Variants in ZNF519 observed in about 807,000 individuals in gnomAD.
ZNF519 encodes similar to Zinc finger protein 85 (Zinc finger protein HPF4) (HTF1).
In ZNF519, 7 loss-of-function variants were observed where a neutral mutation model predicts 7.4. The observed-to-expected ratio is 0.94, with a 90% CI of 0.54 to 1.77. The LOEUF (loss-of-function observed/expected upper bound fraction) is 1.77. Among genes scored for constraint, ZNF519 ranks in the 40% most tolerant of loss-of-function variants. The pLI is 0.00. For missense variants in ZNF519, 586 were observed against 623.1 expected, an observed-to-expected ratio of 0.94 and a Z score of 0.63; for synonymous variants, 179 against 203.3, an observed-to-expected ratio of 0.88 and a Z score of 1.02.
intron 2 of ZNF519, among the ~76,000 whole-genome samples, chr18:14,087,976 G>A (rs1049369350): frequency 6.6e-6 from 1 of 152,074 alleles, no homozygotes; most frequent in African/African-American, 2.4e-5. Flanking sequence ...ACAAGGAATG[G>A]AACTATGTAG....
Position 14,130,978 on chromosome 18 carries a change from C to T in ZNF519, c.3+1297G>A, listed in dbSNP as rs2046326856. ...GCTGCACTCCCATCCCTCAGTGTGTCCTCTGGAAGATTACCAAAGGGCTGC... is the reference window on the plus strand; with the variant it reads ...GCTGCACTCCCATCCCTCAGTGTGTTCTCTGGAAGATTACCAAAGGGCTGC... On this transcript the variant is annotated intron_variant, in intron 1 of 2. Transcript: ENST00000590202. 2.6e-5 allele frequency among the ~76,000 whole-genome samples: 4 copies of T among 152,140 alleles called. 1 individual carries two copies. The South Asian group carries it at 8.3e-4, about 32-fold the overall frequency.
intron 1 of ZNF519, among the ~76,000 whole-genome samples, chr18:14,125,017 A>G (rs1157993150): frequency 1.3e-5 from 2 of 152,166 alleles, no homozygotes; most frequent in African/African-American, 4.8e-5. Context: ...TCACTGTTAC[A>G]AAATTTTGCA....
chr18:14,073,645 C>A (rs1598504494), downstream of ZNF519: 1 of 152,274 alleles, frequency 6.6e-6, no homozygotes, highest in East Asian at 1.9e-4. Context: ...AAAATATAAA[C>A]CATACAGTTA....
chr18:14,112,679 C>A (rs2046227232), intron 2 of ZNF519, among the ~76,000 whole-genome samples: 1 of 151,806 alleles, frequency 6.6e-6, no homozygotes, highest in African/African-American at 2.4e-5. Flanking sequence ...ATCCCATTTA[C>A]GATAGCCACA....
chr18:14,088,300 CATAT>C (rs1225075141), intron 2 of ZNF519, among the ~76,000 whole-genome samples: 1 of 152,182 alleles, frequency 6.6e-6, no homozygotes, highest in African/African-American at 2.4e-5. Flanking sequence ...AGCTTCATCA[CATAT>C]AAAAAGCTGC....
chr18:14,092,302 C>T (rs114568929), intron 2 of ZNF519, among the ~76,000 whole-genome samples: 68 of 152,102 alleles, frequency 4.5e-4, no homozygotes, highest in African/African-American at 1.4e-3. Context: ...CATTGGAACA[C>T]GAAGAGATGG....
chr18:14,088,167 G>A (rs1023848330), intron 2 of ZNF519, among the ~76,000 whole-genome samples: 2 of 152,206 alleles, frequency 1.3e-5, no homozygotes, highest in African/African-American at 4.8e-5. Context: ...CAAATGGAAA[G>A]TACAGCTTAG....
chr18:14,121,377 G>A (rs997159674), intron 2 of ZNF519, among the ~76,000 whole-genome samples: 2 of 151,930 alleles, frequency 1.3e-5, no homozygotes, highest in South Asian at 4.1e-4. Flanking sequence ...TCCATGTAAG[G>A]TAATAGATGT....
At chr18:14,083,528 G>A (rs899864614) in intron 3 of ZNF519, among the ~76,000 whole-genome samples, 1 of 152,116 alleles carries the variant, frequency 6.6e-6, no homozygotes, top group Non-Finnish European at 1.5e-5. Flanking sequence ...ATTATGAAAT[G>A]AAACCACCCT....
In ZNF519 at chr18:14,105,466, G is replaced by A. The variant is rs769455829; in HGVS notation, c.1074C>T (p.Asn358=). 3.3e-5 allele frequency: 53 copies of A among 1,613,414 alleles called. No individual in the cohort carries two copies. The South Asian group carries it at 4.1e-4, about 12-fold the overall frequency. The change falls in exon 3 of 3, where the codon AAC becomes AAT. Residue 358 remains asparagine, a synonymous_variant. Coordinates refer to ENST00000590202, the MANE Select transcript of ZNF519 (RefSeq NM_145287.4). The part of the protein sequence containing the change: ...FKCEECGKAF[N]RGSYLTQHQR... The stretch of plus-strand genomic sequence containing the variant: ...GGTGTTGAGTAAGGTATGACCCCCT[G>A]TTAAAGGCTTTGCCACATTCTTCAC...
chr18:14,111,515 G>GAAAAAAA (rs371322134), intron 2 of ZNF519, among the ~76,000 whole-genome samples: 1 of 72,640 alleles, frequency 1.4e-5, no homozygotes, highest in Non-Finnish European at 2.8e-5. Flanking sequence ...TCAAAAAAAA[G>GAAAAAAA]AAAAAAAAAA....
At chr18:14,073,078 G>A (rs2046033983), downstream of ZNF519, 1 of 152,124 alleles carries the variant, frequency 6.6e-6, no homozygotes, top group Admixed American at 6.5e-5. Flanking sequence ...AGAGTCACAT[G>A]ACATTTGAAA....
intron 1 of ZNF519, among the ~76,000 whole-genome samples, chr18:14,127,352 G>A (rs553181578): frequency 4.7e-4 from 71 of 152,222 alleles, no homozygotes; most frequent in African/African-American, 1.5e-3. Context: ...TCAACCCAAA[G>A]TCTGGCCCTG....
rs370989692 is a variant in ZNF519 at position 14,106,023 on chromosome 18, T to C, written c.517A>G (p.Ser173Gly). 28 of 1,581,114 alleles carry C rather than the reference T, an allele frequency of 1.8e-5. No individual in the cohort carries two copies. The African/African-American group carries it at 3.4e-4, about 19-fold the overall frequency. Residue 173 changes from serine (S) to glycine (G), a missense_variant, in exon 3 of 3, where the codon AGT (serine) becomes GGT (glycine). By Grantham distance (56) the Ser-to-Gly change is moderately conservative. Coordinates refer to ENST00000590202, the MANE Select transcript of ZNF519 (RefSeq NM_145287.4). ...TAATAGTTTTCTAGAAAATGAGTACTATGATGTTTACTAATATTTGAGTCA... is the reference window on the plus strand; with the variant it reads ...TAATAGTTTTCTAGAAAATGAGTACCATGATGTTTACTAATATTTGAGTCA... ...NHDSNISKHH[S>G]THFLENYYNC...
At chr18:14,072,951 G>C (rs532899075), downstream of ZNF519, 7 of 152,300 alleles carry the variant, frequency 4.6e-5, no homozygotes, top group Admixed American at 2.0e-4. Flanking sequence ...CCATACAACT[G>C]CATGAAATTT....
At chr18:14,111,267 G>C (rs2046219518) in intron 2 of ZNF519, among the ~76,000 whole-genome samples, 1 of 150,660 alleles carries the variant, frequency 6.6e-6, no homozygotes, top group Admixed American at 6.6e-5. Context: ...CACTTTAGGA[G>C]GCTAAGGCAG....
rs916269961 is a variant in ZNF519, at chr18:14,104,871, A to T, written c.*46T>A. The T allele has an allele frequency of 6.8e-7, 1 of 1,480,050 alleles. No homozygotes were observed. Among genetic ancestry groups the T allele is most frequent in the Non-Finnish European group, 9.0e-7 (1 of 1,113,394 alleles). 91.7% of individuals were successfully genotyped at this position (1,480,050 alleles called of 1,614,324 possible). A position where few individuals can be genotyped will look rare whatever the true frequency, so the allele number is the denominator to read the frequency against. ...ATTTTCTAATGTTGAGTAAGGTGTG[A>T]GCACCAGTTTAGGGTTTTAGCACAT... On this transcript the variant is annotated 3_prime_UTR_variant, in exon 3 of 3. Transcript: ENST00000590202.
At chr18:14,084,004 C>T (rs756196615) in intron 3 of ZNF519, among the ~76,000 whole-genome samples, 1 of 152,150 alleles carries the variant, frequency 6.6e-6, no homozygotes, top group Non-Finnish European at 1.5e-5. Context: ...CCAGGATGAC[C>T]CCCCAAATGG....
intron 1 of ZNF519, among the ~76,000 whole-genome samples, chr18:14,131,961 C>T (rs2046332676): frequency 6.6e-6 from 1 of 152,200 alleles, no homozygotes; most frequent in Non-Finnish European, 1.5e-5. Flanking sequence ...GACGGGGGAC[C>T]CCACGGACCA....
Sources: gnomAD v4.1 joint callset for allele counts (sites outside exome capture counted in the v4.1 genomes callset) on GRCh38, gnomAD v4.1.1 for gene constraint, MANE v1.5 for transcripts, NCBI Gene and HGNC (gene_info 2026-07-23, HGNC 2026-07-21) for gene names.